The following GYS1 variants were observed in gnomAD, a reference collection of about 807,000 sequenced individuals.
The protein encoded by GYS1 is glycogen synthase 1.
A neutral mutation model predicts 89.1 loss-of-function variants in GYS1; 60 were observed. The observed-to-expected ratio is 0.67, with a 90% CI of 0.55 to 0.84. GYS1 has a LOEUF of 0.84. GYS1 is among the 40% of genes least tolerant of loss of function. GYS1 has a pLI of 0.00. For missense variants in GYS1, 888 were observed against 1,003.1 expected (o/e 0.89, Z 1.55); for synonymous variants, 366 against 401.7 (o/e 0.91, Z 1.06).
chr19:48,993,293 G>A lies in GYS1; in HGVS notation c.-181C>T, dbSNP rs750514444. ...CGAAGCGTTGGGACCTAGGCAGAAG[G>A]AGGCCGCAGCGTCACTGAGCCCACT... On this transcript the variant is annotated 5_prime_UTR_variant, in exon 1 of 16. Transcript: ENST00000323798. 1.0e-5 allele frequency: 7 copies of A among 680,560 alleles called. No individual in the cohort carries two copies. The highest frequency in any genetic ancestry group is 1.4e-5 in the South Asian group (1 of 69,470). 42.2% of individuals were successfully genotyped at this position (680,560 alleles called of 1,614,324 possible). A position where few individuals can be genotyped will look rare whatever the true frequency, so the allele number is the denominator to read the frequency against.
chr19:48,979,331 C>CTTTTTTTTTTTTTTTTTTT (rs1568620568), intron 8 of GYS1, among the ~76,000 whole-genome samples: 1 of 46,352 alleles, frequency 2.2e-5, no homozygotes, highest in Non-Finnish European at 4.6e-5. Flanking sequence ...TTTCTTTTTT[C>CTTTTTTTTTTTTTTTTTTT]TTTTCTTTTT....
At position 48,991,451 on chromosome 19, in the gene GYS1, CCTTCGT is replaced by C. The variant is rs1386765330; in HGVS notation, c.145_150del (p.Thr49_Lys50del). On this transcript the variant is annotated inframe_deletion, in exon 2 of 16. Transcript: ENST00000323798. The surrounding 1 kb of genome is among the most constrained non-coding windows in gnomAD (Gnocchi z 4.7). ...CCCCATTCGTCCCCTGTCACCTTCG[CCTTCGT>C]CTGCAGCACCGTGTAGATGCCACCC... 6.2e-7 allele frequency: 1 copy of C among 1,614,024 alleles called. No homozygotes were observed. The highest frequency in any genetic ancestry group is 8.5e-7 in the Non-Finnish European group (1 of 1,180,050).
Position 48,969,206 on chromosome 19 carries a change from C to A in GYS1, c.*82G>T. 7.9e-7 allele frequency: 1 copy of A among 1,273,860 alleles called. No homozygotes were observed. Among genetic ancestry groups the A allele is most frequent in the East Asian group, 2.5e-5 (1 of 39,458 alleles). 78.9% of individuals were successfully genotyped at this position (1,273,860 alleles called of 1,614,324 possible). On this transcript the variant is annotated 3_prime_UTR_variant, in exon 16 of 16. Coordinates refer to ENST00000323798, the MANE Select transcript of GYS1 (RefSeq NM_002103.5). ...GGCCACACCCAGTGCAGATCTGGAG[C>A]GGGGGTTTAGGAGCAGCACCCCTCT...
intron 12 of GYS1, 29 bp downstream of exon 12, chr19:48,974,184 C>A (rs1219377796): frequency 1.3e-6 from 2 of 1,571,662 alleles, no homozygotes; most frequent in South Asian, 1.2e-5. Flanking sequence ...GATGCCATGA[C>A]CACGCTGTCC....
chr19:48,974,307 T>C lies in GYS1; in HGVS notation c.1455A>G (p.Thr485=). 6.2e-7 allele frequency: 1 copy of C among 1,613,804 alleles called. No homozygotes were observed. The highest frequency in any genetic ancestry group is 8.5e-7 in the Non-Finnish European group (1 of 1,179,788). Residue 485 remains threonine, a synonymous_variant, in exon 12 of 16, where the codon ACA becomes ACG. Transcript: ENST00000323798. ...CATAGTCCACAGGGAGCAGGGGGCT[T>C]GTGGAGGAGAGGAACTCCGGGTGGA... is the stretch of plus-strand genomic sequence containing the variant. ...VIFHPEFLSS[T]SPLLPVDYEE...
At chr19:48,985,005 A>G (rs2038820197) in intron 5 of GYS1, among the ~76,000 whole-genome samples, 1 of 152,230 alleles carries the variant, frequency 6.6e-6, no homozygotes, top group Non-Finnish European at 1.5e-5. Flanking sequence ...TATGATGTTC[A>G]GTAGGTTAGG....
chr19:48,985,150 C>T (rs1197796261), intron 5 of GYS1, among the ~76,000 whole-genome samples: 5 of 152,148 alleles, frequency 3.3e-5, no homozygotes, highest in African/African-American at 1.2e-4. Context: ...CTCCTAGGCT[C>T]GAGCAATCCT....
intron 1 of GYS1, among the ~76,000 whole-genome samples, chr19:48,992,735 T>G (rs150838007): frequency 6.6e-6 from 1 of 152,042 alleles, no homozygotes; most frequent in Non-Finnish European, 1.5e-5. Context: ...GAAGCCTGCC[T>G]CCAGGACCTA....
chr19:48,983,787 G>T (rs533047570), intron 5 of GYS1, among the ~76,000 whole-genome samples: 1 of 152,052 alleles, frequency 6.6e-6, no homozygotes, highest in Non-Finnish European at 1.5e-5. Context: ...CCTTTCATAA[G>T]ACCAATCTAC....
In GYS1 at chr19:48,977,983, T is replaced by C. The variant is rs1193262301; in HGVS notation, c.1249A>G (p.Asn417Asp). Residue 417 changes from asparagine to aspartate, a missense_variant, in exon 10 of 16, where the codon AAC becomes GAC. Transcript: ENST00000323798. ...SLLVGSLPDM[N>D]KMLDKEDFTM... is the part of the protein sequence containing the mutation. ...AAGTCTTCCTTATCCAGCATCTTGT[T>C]CATGTCGGGAAGGCTCCCACTGCAA... 6.2e-7 allele frequency: 1 copy of C among 1,614,012 alleles called. No homozygotes were observed. Among genetic ancestry groups the C allele is most frequent in the East Asian group, 2.2e-5 (1 of 44,854 alleles).
At chr19:48,982,167 A>G (rs1010852834) in intron 7 of GYS1, 88 bp downstream of exon 7, 7 of 1,375,984 alleles carry the variant, frequency 5.1e-6, no homozygotes, top group Non-Finnish European at 6.2e-6. Context: ...TGTTGGGATT[A>G]CAGGTGTGAG....
At chr19:48,975,324 T>C (rs2038629553) in intron 10 of GYS1, among the ~76,000 whole-genome samples, 1 of 151,808 alleles carries the variant, frequency 6.6e-6, no homozygotes. Context: ...TGCATCCGTT[T>C]TGGCCTCCCG....
At chr19:48,990,513 C>T (rs931967588) in intron 2 of GYS1, among the ~76,000 whole-genome samples, 1 of 152,144 alleles carries the variant, frequency 6.6e-6, no homozygotes, top group Non-Finnish European at 1.5e-5. Context: ...CTGCCTGTCC[C>T]CCTCACTCTC....
chr19:48,990,723 A>G (rs2038913220), intron 2 of GYS1, among the ~76,000 whole-genome samples: 1 of 152,162 alleles, frequency 6.6e-6, no homozygotes, highest in Admixed American at 6.5e-5. Flanking sequence ...GTGGAGGGTG[A>G]ACTTGAACTT....
chr19:48,975,929 A>C (rs904978666), intron 10 of GYS1, among the ~76,000 whole-genome samples: 1 of 151,006 alleles, frequency 6.6e-6, no homozygotes, highest in African/African-American at 2.4e-5. Flanking sequence ...AAAAAAAAAA[A>C]AAAAAAGAAG....
intron 6 of GYS1, 45 bp from the exon 7 acceptor site, chr19:48,982,420 C>A (rs529424710): frequency 2.5e-6 from 4 of 1,612,422 alleles, no homozygotes; most frequent in African/African-American, 2.7e-5. Context: ...CCCTCACCCG[C>A]TAGCCCTGGC....
At position 48,970,718 on chromosome 19, in the gene GYS1, G is replaced by C. The variant is rs993164113; in HGVS notation, c.1646-9C>G. The C allele has an allele frequency of 1.9e-6, 3 of 1,613,002 alleles. No individual in the cohort carries two copies. The highest frequency in any genetic ancestry group is 2.7e-5 in the African/African-American group (2 of 74,898). On this transcript the variant is annotated splice_polypyrimidine_tract_variant and intron_variant, in intron 13 of 15. Coordinates refer to ENST00000323798, the MANE Select transcript of GYS1 (RefSeq NM_002103.5). ...GTCAAGAATGTAGATACCTGTGGAG[G>C]CCAGGACCCAGGTTCAGAAAACATC...
intron 2 of GYS1, among the ~76,000 whole-genome samples, chr19:48,990,004 G>GA (rs199593098): frequency 1.3e-5 from 2 of 149,242 alleles, no homozygotes; most frequent in Non-Finnish European, 3.0e-5. Flanking sequence ...TTGCTGGGGG[G>GA]GGGGGGGGGC....
intron 5 of GYS1, 88 bp from the exon 6 acceptor site, chr19:48,982,925 G>GC (rs1201135485): frequency 1.1e-5 from 11 of 1,010,580 alleles, no homozygotes; most frequent in Non-Finnish European, 1.7e-5. Context: ...AACACCCTTT[G>GC]CCTTTTGCAA....
Sources: gnomAD v4.1 joint callset for allele counts (sites outside exome capture counted in the v4.1 genomes callset) on GRCh38, gnomAD v4.1.1 for gene constraint, Gnocchi (gnomAD v3.1) non-coding constraint, MANE v1.5 for transcripts, NCBI Gene and HGNC (gene_info 2026-07-23, HGNC 2026-07-21) for gene names.